EXOC4: variants seen among roughly 807,000 people sequenced by gnomAD.
EXOC4 encodes the protein exocyst complex component 4.
A neutral mutation model predicts 107.2 loss-of-function variants in EXOC4; 71 were observed. The observed-to-expected ratio is 0.66, with a 90% CI of 0.55 to 0.81. The LOEUF is 0.81. Ranked by LOEUF, EXOC4 falls within the 30% of genes least tolerant of loss-of-function variation. EXOC4 has a pLI of 0.00. For synonymous variants in EXOC4, 456 were observed against 441.2 expected (o/e 1.03, Z -0.42); for missense variants, 1,108 against 1,189.6 (o/e 0.93, Z 1.01).
At chr7:133,604,710 C>CTTTTTTTTTTT (rs61548710) in intron 9 of EXOC4, among the ~76,000 whole-genome samples, 31 of 50,268 alleles carry the variant, frequency 6.2e-4, no homozygotes, top group South Asian at 2.3e-3. Context: ...TTCCTTCTTT[C>CTTTTTTTTTTT]TTTTTTTTTT....
chr7:133,303,094 TC>T (rs1312365123), intron 3 of EXOC4, among the ~76,000 whole-genome samples: 1 of 152,200 alleles, frequency 6.6e-6, no homozygotes. Flanking sequence ...CACTAACTTT[TC>T]CTTTGTGTGT....
At chr7:133,831,050 C>T (rs1201031089) in intron 11 of EXOC4, among the ~76,000 whole-genome samples, 1 of 152,124 alleles carries the variant, frequency 6.6e-6, no homozygotes, top group Admixed American at 6.6e-5. Context: ...CTGCAACCTC[C>T]GCCTCCCGGG....
intron 9 of EXOC4, among the ~76,000 whole-genome samples, chr7:133,587,602 C>G (rs1017672017): frequency 6.6e-6 from 1 of 152,128 alleles, no homozygotes; most frequent in Non-Finnish European, 1.5e-5. Context: ...GGAAAATGCC[C>G]AAGTTTTAAC....
At chr7:133,306,794 T>C (rs1794763513) in intron 4 of EXOC4, among the ~76,000 whole-genome samples, 1 of 152,196 alleles carries the variant, frequency 6.6e-6, no homozygotes, top group Non-Finnish European at 1.5e-5. Context: ...AGGTTGTCCT[T>C]TTTCTGGAAT....
intron 11 of EXOC4, among the ~76,000 whole-genome samples, chr7:133,865,967 T>A (rs1798631226): frequency 6.6e-6 from 1 of 152,184 alleles, no homozygotes; most frequent in Non-Finnish European, 1.5e-5. Flanking sequence ...ATTTTCTTAA[T>A]AAAGATTATA....
intron 10 of EXOC4, among the ~76,000 whole-genome samples, chr7:133,653,696 A>C (rs1486301187): frequency 6.6e-6 from 1 of 152,184 alleles, no homozygotes; most frequent in African/African-American, 2.4e-5. Context: ...TTGACAGATA[A>C]GAAAAGGTAA....
At chr7:133,565,037 T>C (rs768788178) in intron 9 of EXOC4, among the ~76,000 whole-genome samples, 1 of 152,148 alleles carries the variant, frequency 6.6e-6, no homozygotes. Flanking sequence ...GGTGTTGGGA[T>C]GTCGAGTTTT....
intron 15 of EXOC4, among the ~76,000 whole-genome samples, chr7:134,002,937 C>T (rs189922143): frequency 2.8e-4 from 42 of 152,240 alleles, no homozygotes; most frequent in African/African-American, 9.1e-4. Flanking sequence ...TAAACATACA[C>T]TTACCATAAG....
At chr7:133,624,549 C>T (rs752908700) in intron 9 of EXOC4, among the ~76,000 whole-genome samples, 21 of 152,250 alleles carry the variant, frequency 1.4e-4, no homozygotes, top group Non-Finnish European at 2.8e-4. Context: ...CACCACTGCA[C>T]TCCAGCCTAG....
chr7:133,386,049 T>C (rs1483687788), intron 7 of EXOC4, among the ~76,000 whole-genome samples: 1 of 152,150 alleles, frequency 6.6e-6, no homozygotes, highest in Non-Finnish European at 1.5e-5. Context: ...TTTTTTACAT[T>C]GACAGATATA....
chr7:133,872,640 A>C (rs1277251232), intron 11 of EXOC4, among the ~76,000 whole-genome samples: 3 of 152,246 alleles, frequency 2.0e-5, no homozygotes, highest in Non-Finnish European at 4.4e-5. Flanking sequence ...GAAACCATTA[A>C]AATGATTTGA....
At chr7:133,271,688 C>T (rs1033228311) in intron 1 of EXOC4, among the ~76,000 whole-genome samples, 3 of 152,160 alleles carry the variant, frequency 2.0e-5, no homozygotes, top group Non-Finnish European at 2.9e-5. Context: ...CTGCCTAACC[C>T]TTGTGGGACT....
At chr7:133,562,455 C>T (rs577803345) in intron 9 of EXOC4, among the ~76,000 whole-genome samples, 1 of 152,314 alleles carries the variant, frequency 6.6e-6, no homozygotes, top group South Asian at 2.1e-4. Context: ...CTCTCAATCC[C>T]ATTCATCTGA....
At chr7:133,504,636 G>A (rs1799634318) in intron 9 of EXOC4, among the ~76,000 whole-genome samples, 3 of 152,048 alleles carry the variant, frequency 2.0e-5, no homozygotes, top group South Asian at 4.1e-4. Context: ...CTGGTGATGG[G>A]TGGAAAAGAA....
chr7:133,933,889 A>AC, intron 13 of EXOC4, among the ~76,000 whole-genome samples: 1 of 152,354 alleles, frequency 6.6e-6, no homozygotes, highest in South Asian at 2.1e-4. Flanking sequence ...TAAAACGTGA[A>AC]GTTGTTTTTT....
intron 2 of EXOC4, among the ~76,000 whole-genome samples, chr7:133,285,532 C>T (rs191460318): frequency 2.8e-4 from 42 of 152,226 alleles, no homozygotes; most frequent in African/African-American, 8.7e-4. Context: ...GAGAGAAATC[C>T]GATGTCATTC....
At chr7:133,512,628 G>A (rs1563092547) in intron 9 of EXOC4, among the ~76,000 whole-genome samples, 1 of 152,002 alleles carries the variant, frequency 6.6e-6, no homozygotes, top group East Asian at 1.9e-4. Flanking sequence ...ATTGAAAGAA[G>A]GTAGCGTAGT....
chr7:133,491,624 G>A (rs938999166), intron 9 of EXOC4, among the ~76,000 whole-genome samples: 1 of 152,004 alleles, frequency 6.6e-6, no homozygotes, highest in Non-Finnish European at 1.5e-5. Context: ...ACATTTCTAG[G>A]CCAACTATAT....
At chr7:133,426,567 A>G (rs1438499063) in intron 7 of EXOC4, among the ~76,000 whole-genome samples, 1 of 152,230 alleles carries the variant, frequency 6.6e-6, no homozygotes, top group East Asian at 1.9e-4. Context: ...AATAATAAAT[A>G]TTGGTTCCTT....
Sources: allele counts gnomAD v4.1 joint callset (sites outside exome capture counted in the v4.1 genomes callset), GRCh38; gene constraint gnomAD v4.1.1; transcripts MANE v1.5; gene names NCBI Gene and HGNC (gene_info 2026-07-23, HGNC 2026-07-21).